TENT5A: variants seen among roughly 807,000 people sequenced by gnomAD.
The protein encoded by TENT5A is HBV X-transactivated gene 11 protein.
A neutral mutation model predicts 30.2 loss-of-function variants in TENT5A; 9 were observed. That is an observed-to-expected ratio of 0.30 (90% CI 0.18 to 0.52). The LOEUF (loss-of-function observed/expected upper bound fraction) is 0.52, where lower values mean the gene tolerates loss of function less well. Ranked by LOEUF, TENT5A falls within the 20% of genes least tolerant of loss-of-function variation. The pLI, the probability that TENT5A is intolerant of heterozygous loss-of-function variation, is 0.97. For missense variants in TENT5A, 411 were observed against 566.1 expected, an observed-to-expected ratio of 0.73 and a Z score of 2.78; for synonymous variants, 264 against 234.2, an observed-to-expected ratio of 1.13 and a Z score of -1.16.
Position 81,746,672 on chromosome 6 carries a change from A to T in TENT5A, c.*3023T>A. Reference sequence around the variant, plus strand: ...GTGAGAAGAGCCTCCAAAAGACAAAACTTCTTCCTGGTTTAAAGAAACAGC... The same window carrying T: ...GTGAGAAGAGCCTCCAAAAGACAAATCTTCTTCCTGGTTTAAAGAAACAGC... On this transcript the variant is annotated 3_prime_UTR_variant, in exon 3 of 3. Coordinates refer to ENST00000320172, the MANE Select transcript of TENT5A (RefSeq NM_017633.3). The T allele has an allele frequency of 8.1e-7, 1 of 1,230,358 alleles. No individual in the cohort carries two copies. The highest frequency in any genetic ancestry group is 1.0e-6 in the Non-Finnish European group (1 of 986,956). 76.2% of individuals were successfully genotyped at this position (1,230,358 alleles called of 1,614,324 possible). A position where few individuals can be genotyped will look rare whatever the true frequency, so the allele number is the denominator to read the frequency against.
At position 81,749,775 on chromosome 6, in the gene TENT5A, T is replaced by C; in HGVS notation, c.1249A>G (p.Ser417Gly). ...PAPYVADANFSNYYIAQVQPV... is the reference protein window; with the variant it reads ...PAPYVADANFGNYYIAQVQPV... ...TGAACCTGTGCAATGTAGTAATTGC[T>C]AAAGTTGGCATCTGCTACATAGGGG... The change falls in exon 3 of 3, where the codon AGC becomes GGC. Residue 417 changes from serine to glycine, a missense_variant. By Grantham distance (56) the Ser-to-Gly change is moderately conservative (BLOSUM62 0). Around this residue, in one of 5 missense-constraint regions of TENT5A, gnomAD observed 75 missense variants for 80.9 expected, o/e 0.93. Coordinates refer to ENST00000320172, the MANE Select transcript of TENT5A (RefSeq NM_017633.3). 1 of 1,614,132 alleles carries C rather than the reference T, an allele frequency of 6.2e-7. No homozygotes were observed. The highest frequency in any genetic ancestry group is 8.5e-7 in the Non-Finnish European group (1 of 1,180,008).
At position 81,746,477 on chromosome 6, in the gene TENT5A, T is replaced by C; in HGVS notation, c.*3218A>G. ...TCCTTGCATTTTTGGAGCTACATTA[T>C]TAGTCCATCCAATACCAAAGTGAGC... On this transcript the variant is annotated 3_prime_UTR_variant, in exon 3 of 3. Transcript: ENST00000320172. 2 of 1,232,070 alleles carry C rather than the reference T, an allele frequency of 1.6e-6. No homozygotes were observed. Among genetic ancestry groups the C allele is most frequent in the Non-Finnish European group, 2.0e-6 (2 of 987,880 alleles). The allele number at this position is 1,232,070 out of a possible 1,614,324, so 76.3% of individuals were successfully genotyped here.
chr6:81,746,983 A>T lies in TENT5A; in HGVS notation c.*2712T>A. ...ATATGAATAGGTGCCAGGTGCTGGC[A>T]CTTCCAACTAAGCTACCAACCCTGA... On this transcript the variant is annotated 3_prime_UTR_variant, in exon 3 of 3. Coordinates refer to ENST00000320172, the MANE Select transcript of TENT5A (RefSeq NM_017633.3). 2 of 990,204 alleles carry T rather than the reference A, an allele frequency of 2.0e-6. No homozygotes were observed. The highest frequency in any genetic ancestry group is 3.5e-5 in the African/African-American group (2 of 57,622). The allele number at this position is 990,204 out of a possible 1,614,324, so 61.3% of individuals were successfully genotyped here.
rs1422727038 is a variant in TENT5A, at chr6:81,748,666, T to C, written c.*1029A>G. 4 of 927,046 alleles carry C rather than the reference T, an allele frequency of 4.3e-6. No individual in the cohort carries two copies. The highest frequency in any genetic ancestry group is 9.9e-5 in the South Asian group (2 of 20,112). 57.4% of individuals were successfully genotyped at this position (927,046 alleles called of 1,614,324 possible). ...AAATGTATATATACACACACACATA[T>C]AATTTATACACACATACACATGTAC... On this transcript the variant is annotated 3_prime_UTR_variant, in exon 3 of 3. Coordinates refer to ENST00000320172, the MANE Select transcript of TENT5A (RefSeq NM_017633.3).
chr6:81,751,959 C>T lies in TENT5A; in HGVS notation c.183G>A (p.Ala61=), dbSNP rs928371757. The T allele has an allele frequency of 1.3e-5, 20 of 1,599,680 alleles. No individual in the cohort carries two copies. The highest frequency in any genetic ancestry group is 1.4e-5 in the Non-Finnish European group (16 of 1,172,164). The change falls in exon 2 of 3, where the codon GCG becomes GCA. Residue 61 remains alanine (A), a synonymous_variant. Coordinates refer to ENST00000320172, the MANE Select transcript of TENT5A (RefSeq NM_017633.3). ...HCLDYCESPT[A]HCNVLNWEQV... ...GCTCCCAGTTCAGCACATTGCAGTG[C>T]GCCGTAGGGCTTTCGCAATAGTCCA...
chr6:81,746,499 G>A lies in TENT5A; in HGVS notation c.*3196C>T. The A allele has an allele frequency of 8.1e-7, 1 of 1,232,062 alleles. No individual in the cohort carries two copies. The allele number at this position is 1,232,062 out of a possible 1,614,324, so 76.3% of individuals were successfully genotyped here. A position where few individuals can be genotyped will look rare whatever the true frequency, so the allele number is the denominator to read the frequency against. On this transcript the variant is annotated 3_prime_UTR_variant, in exon 3 of 3. Coordinates refer to ENST00000320172, the MANE Select transcript of TENT5A (RefSeq NM_017633.3). ...TTATTAGTCCATCCAATACCAAAGT[G>A]AGCAGATACTTGATCCCATTTCTGG... is the stretch of plus-strand genomic sequence containing the variant.
At position 81,747,547 on chromosome 6, in the gene TENT5A, T is replaced by C; in HGVS notation, c.*2148A>G. On this transcript the variant is annotated 3_prime_UTR_variant, in exon 3 of 3. Coordinates refer to ENST00000320172, the MANE Select transcript of TENT5A (RefSeq NM_017633.3). ...GTAGTCCAGACGGATTAACCTGGATTAACCTAGCACTAAGCATCTGAGGAT... is the reference window on the plus strand; with the variant it reads ...GTAGTCCAGACGGATTAACCTGGATCAACCTAGCACTAAGCATCTGAGGAT... 2 of 985,716 alleles carry C rather than the reference T, an allele frequency of 2.0e-6. No homozygotes were observed. Among genetic ancestry groups the C allele is most frequent in the Non-Finnish European group, 2.4e-6 (2 of 829,908 alleles). The allele number at this position is 985,716 out of a possible 1,614,324, so 61.1% of individuals were successfully genotyped here.
Position 81,752,658 on chromosome 6 carries a change from T to C in TENT5A, c.-265A>G. 1 of 717,484 alleles carries C rather than the reference T, an allele frequency of 1.4e-6. No homozygotes were observed. The highest frequency in any genetic ancestry group is 2.6e-6 in the Non-Finnish European group (1 of 385,568). 44.4% of individuals were successfully genotyped at this position (717,484 alleles called of 1,614,324 possible). A position where few individuals can be genotyped will look rare whatever the true frequency, so the allele number is the denominator to read the frequency against. ...GCTCTTGCTGCCACACACGCTCGTG[T>C]CTCTGGAGCTTTAGCAGTTGTGCGG... is the stretch of plus-strand genomic sequence containing the variant. On this transcript the variant is annotated 5_prime_UTR_variant, in exon 1 of 3. Coordinates refer to ENST00000320172, the MANE Select transcript of TENT5A (RefSeq NM_017633.3).
intron 2 of TENT5A, 28 bp downstream of exon 2, chr6:81,751,562 G>T: frequency 6.4e-7 from 1 of 1,568,976 alleles, no homozygotes; most frequent in South Asian, 1.2e-5. Context: ...ACTGGGTCAG[G>T]ACCCAAGTGC....
At position 81,746,267 on chromosome 6, in the gene TENT5A, G is replaced by A; in HGVS notation, c.*3428C>T. On this transcript the variant is annotated 3_prime_UTR_variant, in exon 3 of 3. Transcript: ENST00000320172. ...CAACAAAAAAGCTTATTTTTGAACT[G>A]ACAGCTTTCAACATAATACATTTCA... 1 of 1,181,946 alleles carries A rather than the reference G, an allele frequency of 8.5e-7. No homozygotes were observed. The highest frequency in any genetic ancestry group is 1.0e-6 in the Non-Finnish European group (1 of 957,096). The allele number at this position is 1,181,946 out of a possible 1,614,324, so 73.2% of individuals were successfully genotyped here.
chr6:81,751,545 G>T, intron 2 of TENT5A, 45 bp downstream of exon 2: 3 of 1,524,352 alleles, frequency 2.0e-6, no homozygotes, highest in Non-Finnish European at 2.7e-6. Flanking sequence ...CGTCACACCC[G>T]GCCCAGACTG....
rs1184382973 is a variant in TENT5A at position 81,749,508 on chromosome 6, C to T, written c.*187G>A. ...ATAAGAGAAGGGAAAAGGATCCTTTCGAGATCATGCTCCCACATCTATTAA... is the reference window on the plus strand; with the variant it reads ...ATAAGAGAAGGGAAAAGGATCCTTTTGAGATCATGCTCCCACATCTATTAA... On this transcript the variant is annotated 3_prime_UTR_variant, in exon 3 of 3. Coordinates refer to ENST00000320172, the MANE Select transcript of TENT5A (RefSeq NM_017633.3). 4 of 1,349,322 alleles carry T rather than the reference C, an allele frequency of 3.0e-6. No individual in the cohort carries two copies. The highest frequency in any genetic ancestry group is 2.8e-6 in the Non-Finnish European group (3 of 1,055,110). The allele number at this position is 1,349,322 out of a possible 1,614,324, so 83.6% of individuals were successfully genotyped here. A position where few individuals can be genotyped will look rare whatever the true frequency, so the allele number is the denominator to read the frequency against.
Position 81,746,064 on chromosome 6 carries a change from C to A in TENT5A, c.*3631G>T. 1 of 985,706 alleles carries A rather than the reference C, an allele frequency of 1.0e-6. No homozygotes were observed. Among genetic ancestry groups the A allele is most frequent in the Non-Finnish European group, 1.2e-6 (1 of 829,778 alleles). 61.1% of individuals were successfully genotyped at this position (985,706 alleles called of 1,614,324 possible). The stretch of plus-strand genomic sequence containing the variant: ...GACATCTTCCAACTTTGTACTTTAC[C>A]ATTTGCTTTGTTAGAAAGCCATTAT... On this transcript the variant is annotated 3_prime_UTR_variant, in exon 3 of 3. Coordinates refer to ENST00000320172, the MANE Select transcript of TENT5A (RefSeq NM_017633.3).
Position 81,747,109 on chromosome 6 carries a change from GT to G in TENT5A, c.*2585del. ...AATCTGTGTTATAAATTAACAGCAG[GT>G]TATTGTTATGGCAGAGTCAGAGACC... is the stretch of plus-strand genomic sequence containing the variant. On this transcript the variant is annotated 3_prime_UTR_variant, in exon 3 of 3. Coordinates refer to ENST00000320172, the MANE Select transcript of TENT5A (RefSeq NM_017633.3). The G allele has an allele frequency of 1.0e-6, 1 of 984,962 alleles. No homozygotes were observed. The highest frequency in any genetic ancestry group is 1.2e-6 in the Non-Finnish European group (1 of 829,540). The allele number at this position is 984,962 out of a possible 1,614,324, so 61.0% of individuals were successfully genotyped here.
At position 81,747,277 on chromosome 6, in the gene TENT5A, G is replaced by A. The variant is rs1039548956; in HGVS notation, c.*2418C>T. ...AAACAACTAAGCAGGCGGAGCTCTG[G>A]TTTCTGATAGGTGAGTGCCAGGCTT... On this transcript the variant is annotated 3_prime_UTR_variant, in exon 3 of 3. Coordinates refer to ENST00000320172, the MANE Select transcript of TENT5A (RefSeq NM_017633.3). The A allele has an allele frequency of 1.0e-6, 1 of 985,688 alleles. No homozygotes were observed. Among genetic ancestry groups the A allele is most frequent in the African/African-American group, 1.7e-5 (1 of 57,238 alleles). 61.1% of individuals were successfully genotyped at this position (985,688 alleles called of 1,614,324 possible).
Position 81,748,275 on chromosome 6 carries a change from A to AT in TENT5A, c.*1419dup, listed in dbSNP as rs961290506. 1,154 of 905,432 alleles carry AT rather than the reference A, an allele frequency of 1.3e-3. No individual in the cohort carries two copies. The highest frequency in any genetic ancestry group is 1.4e-3 in the Non-Finnish European group (1,026 of 759,226). The allele number at this position is 905,432 out of a possible 1,614,324, so 56.1% of individuals were successfully genotyped here. A position where few individuals can be genotyped will look rare whatever the true frequency, so the allele number is the denominator to read the frequency against. On this transcript the variant is annotated 3_prime_UTR_variant, in exon 3 of 3. Coordinates refer to ENST00000320172, the MANE Select transcript of TENT5A (RefSeq NM_017633.3). The stretch of plus-strand genomic sequence containing the variant: ...AGATTAAACATCATAGAGGAATGCA[A>AT]TTTTTTTTTTAATAAATGGGTTCCA...
chr6:81,752,271 C>G, intron 1 of TENT5A, 93 bp from the exon 2 acceptor site: 2 of 1,488,118 alleles, frequency 1.3e-6, no homozygotes, highest in Non-Finnish European at 1.8e-6. Context: ...GAAAAGAGCG[C>G]CCCCTCCCCC....
In TENT5A at chr6:81,748,525, CATGTT is replaced by C; in HGVS notation, c.*1165_*1169del. 10 of 982,318 alleles carry C rather than the reference CATGTT, an allele frequency of 1.0e-5. No homozygotes were observed. Among genetic ancestry groups the C allele is most frequent in the Non-Finnish European group, 1.2e-5 (10 of 827,306 alleles). 60.9% of individuals were successfully genotyped at this position (982,318 alleles called of 1,614,324 possible). On this transcript the variant is annotated 3_prime_UTR_variant, in exon 3 of 3. Coordinates refer to ENST00000320172, the MANE Select transcript of TENT5A (RefSeq NM_017633.3). ...TCATCATTGCAATATGCCCACGTCT[CATGTT>C]ATCCTGTTGAAAACATAAAAACACA...
chr6:81,746,393 A>G lies in TENT5A; in HGVS notation c.*3302T>C, dbSNP rs1051899384. ...CAATAAGCAAACAGAAAGGGGTGGT[A>G]AAAACAGTACGTTCACTTTTCATTT... On this transcript the variant is annotated 3_prime_UTR_variant, in exon 3 of 3. Transcript: ENST00000320172. The G allele has an allele frequency of 1.6e-6, 2 of 1,229,272 alleles. No individual in the cohort carries two copies. The highest frequency in any genetic ancestry group is 2.0e-6 in the Non-Finnish European group (2 of 986,334). 76.1% of individuals were successfully genotyped at this position (1,229,272 alleles called of 1,614,324 possible).
Sources: allele counts gnomAD v4.1 joint callset, GRCh38; gene constraint gnomAD v4.1.1; regional missense constraint gnomAD v4.1.1; transcripts MANE v1.5; gene names NCBI Gene and HGNC (gene_info 2026-07-23, HGNC 2026-07-21).